Variants in KITLG observed in about 807,000 individuals in gnomAD.
KITLG encodes c-Kit ligand.
Under a neutral mutation model 34.1 loss-of-function variants are expected in KITLG, and 13 were observed. The observed-to-expected ratio is 0.38, with a 90% CI of 0.25 to 0.61. KITLG has a LOEUF of 0.61. KITLG is among the 20% of genes least tolerant of loss of function. The probability of loss-of-function intolerance (pLI) is 0.60; values close to 1 mark genes in which losing one functional copy is unlikely to be tolerated. For synonymous variants in KITLG, 110 were observed against 104.0 expected (o/e 1.06, Z -0.35); for missense variants, 292 against 318.9 (o/e 0.92, Z 0.64).
At chr12:88,541,749 G>C (rs1870526656) in intron 2 of KITLG, among the ~76,000 whole-genome samples, 2 of 152,130 alleles carry the variant, frequency 1.3e-5, no homozygotes, top group African/African-American at 4.8e-5. Context: ...TTAGTAAACA[G>C]GCCAGAAGCA....
chr12:88,554,910 T>C (rs1344444108), intron 1 of KITLG, among the ~76,000 whole-genome samples: 1 of 152,170 alleles, frequency 6.6e-6, no homozygotes, highest in Non-Finnish European at 1.5e-5. Context: ...AAAACAGATG[T>C]TACCAGAGTA....
At position 88,574,222 on chromosome 12, in the gene KITLG, G is replaced by T. The variant is rs554411669; in HGVS notation, c.15+6042C>A. On this transcript the variant is annotated intron_variant, in intron 1 of 9. Coordinates refer to ENST00000644744, the MANE Select transcript of KITLG (RefSeq NM_000899.5). ...ATGTGTGTTCTCCTAGCTTGAGGAG[G>T]GTCCAGCTGATCTTGGAATATTCTC... Among the ~76,000 whole-genome samples, 3 of 151,716 alleles carry T rather than the reference G, an allele frequency of 2.0e-5. No homozygotes were observed. In the East Asian group the frequency reaches 5.8e-4, roughly 29 times the overall value.
At position 88,580,439 on chromosome 12, in the gene KITLG, C is replaced by T. The variant is rs1012844393; in HGVS notation, c.-161G>A. 49 of 865,158 alleles carry T rather than the reference C, an allele frequency of 5.7e-5. No homozygotes were observed. Among genetic ancestry groups the T allele is most frequent in the African/African-American group, 4.3e-4 (25 of 58,610 alleles). 53.6% of individuals were successfully genotyped at this position (865,158 alleles called of 1,614,324 possible). ...TCCACTGTCCCTGCTTCCCGCAGCGCTTCTAGTCTCGGCGCGAGGCGGCGA... is the reference window on the plus strand; with the variant it reads ...TCCACTGTCCCTGCTTCCCGCAGCGTTTCTAGTCTCGGCGCGAGGCGGCGA... On this transcript the variant is annotated 5_prime_UTR_variant, in exon 1 of 10. Coordinates refer to ENST00000644744, the MANE Select transcript of KITLG (RefSeq NM_000899.5).
intron 1 of KITLG, among the ~76,000 whole-genome samples, chr12:88,557,200 C>T (rs1871123439): frequency 6.6e-6 from 1 of 152,066 alleles, no homozygotes; most frequent in African/African-American, 2.4e-5. Context: ...AACAACTCAC[C>T]TGGGGTTAAC....
At chr12:88,555,318 T>C (rs534401730) in intron 1 of KITLG, among the ~76,000 whole-genome samples, 1 of 152,286 alleles carries the variant, frequency 6.6e-6, no homozygotes, top group East Asian at 1.9e-4. Flanking sequence ...GCAGATATTA[T>C]TTCCTGTAAT....
chr12:88,557,798 T>G (rs560447184), intron 1 of KITLG, among the ~76,000 whole-genome samples: 1 of 152,280 alleles, frequency 6.6e-6, no homozygotes, highest in Non-Finnish European at 1.5e-5. Context: ...CAGCACTCCA[T>G]GGACACGGGC....
At chr12:88,520,005 C>T (rs1293658425) in intron 3 of KITLG, among the ~76,000 whole-genome samples, 4 of 152,034 alleles carry the variant, frequency 2.6e-5, no homozygotes, top group African/African-American at 9.7e-5. Context: ...TATAATACAG[C>T]CAAAAAGGAA....
chr12:88,576,635 A>G (rs1277241454), intron 1 of KITLG, among the ~76,000 whole-genome samples: 2 of 152,170 alleles, frequency 1.3e-5, no homozygotes, highest in Non-Finnish European at 2.9e-5. Context: ...GCCTAAGGTC[A>G]TTTGTCTCAT....
Position 88,507,041 on chromosome 12 carries a change from G to C in KITLG, c.701C>G (p.Ala234Gly), listed in dbSNP as rs754074191. Residue 234 changes from alanine (A) to glycine (G), a missense_variant, in exon 7 of 10, where the codon GCC becomes GGC. Ala to Gly is a moderately conservative substitution (Grantham distance 60). Coordinates refer to ENST00000644744, the MANE Select transcript of KITLG (RefSeq NM_000899.5). ...GGTACCACTTACCTTCCAGTATAAG[G>C]CTCCAAAAGCAAAGCCAATTATAAG... ...FSLIIGFAFGALYWKKRQPSL... is the reference protein window; with the variant it reads ...FSLIIGFAFGGLYWKKRQPSL... The C allele has an allele frequency of 1.3e-6, 2 of 1,587,438 alleles. No homozygotes were observed. Among genetic ancestry groups the C allele is most frequent in the Middle Eastern group, 1.7e-4 (1 of 6,046 alleles).
intron 3 of KITLG, among the ~76,000 whole-genome samples, chr12:88,526,746 A>G (rs1566023894): frequency 6.6e-6 from 1 of 152,140 alleles, no homozygotes; most frequent in East Asian, 1.9e-4. Flanking sequence ...CAAAAGAACC[A>G]ATCAGGATTC....
chr12:88,500,424 A>G (rs983938240), intron 9 of KITLG, among the ~76,000 whole-genome samples: 5 of 152,298 alleles, frequency 3.3e-5, no homozygotes, highest in Admixed American at 2.0e-4. Flanking sequence ...ACTTTTAAAA[A>G]TTGGTTATTA....
At chr12:88,500,242 C>T (rs534081604) in intron 9 of KITLG, among the ~76,000 whole-genome samples, 1 of 152,314 alleles carries the variant, frequency 6.6e-6, no homozygotes, top group African/African-American at 2.4e-5. Context: ...AAGCTTTTCT[C>T]CTATTGTTAG....
chr12:88,529,261 A>G (rs1231722726), intron 3 of KITLG, among the ~76,000 whole-genome samples: 1 of 152,222 alleles, frequency 6.6e-6, no homozygotes, highest in Non-Finnish European at 1.5e-5. Flanking sequence ...TGTGGCAACA[A>G]TTCAGCAATG....
Position 88,502,578 on chromosome 12 carries a change from T to C in KITLG, c.*37+2581A>G, listed in dbSNP as rs1053913151. Among the ~76,000 whole-genome samples the C allele has an allele frequency of 1.5e-4, 23 of 152,316 alleles. 1 individual carries two copies. The highest frequency in any genetic ancestry group is 6.8e-3 in the Middle Eastern group (2 of 294). On this transcript the variant is annotated intron_variant, in intron 9 of 9. Coordinates refer to ENST00000644744, the MANE Select transcript of KITLG (RefSeq NM_000899.5). Reference sequence around the variant, plus strand: ...AAGAAACAGAAAGACCTAACTCTTTTCTTGGAATGCTAACTGACTATTCAA... The same window carrying C: ...AAGAAACAGAAAGACCTAACTCTTTCCTTGGAATGCTAACTGACTATTCAA...
intron 1 of KITLG, among the ~76,000 whole-genome samples, chr12:88,577,909 G>A (rs1566039285): frequency 1.3e-5 from 2 of 152,124 alleles, no homozygotes; most frequent in African/African-American, 4.8e-5. Flanking sequence ...TTTTTTATAT[G>A]TGGGGTAGTA....
At chr12:88,520,442 T>C (rs971353930) in intron 3 of KITLG, among the ~76,000 whole-genome samples, 5 of 152,210 alleles carry the variant, frequency 3.3e-5, no homozygotes, top group African/African-American at 1.2e-4. Flanking sequence ...GCTATTTGAA[T>C]AGTATTTATG....
At chr12:88,564,512 G>C (rs763924890) in intron 1 of KITLG, among the ~76,000 whole-genome samples, 1 of 152,182 alleles carries the variant, frequency 6.6e-6, no homozygotes, top group Non-Finnish European at 1.5e-5. Context: ...TACTTCGGCT[G>C]CTGTATGTTT....
intron 6 of KITLG, among the ~76,000 whole-genome samples, chr12:88,508,229 C>A (rs1435721658): frequency 6.6e-6 from 1 of 151,070 alleles, no homozygotes; most frequent in South Asian, 2.1e-4. Context: ...ATTAAATAAA[C>A]AAAACACATC....
intron 1 of KITLG, among the ~76,000 whole-genome samples, chr12:88,574,304 GA>G (rs1034845653): frequency 2.7e-5 from 4 of 145,770 alleles, no homozygotes; most frequent in Non-Finnish European, 4.6e-5. Context: ...AAAAAAAAAA[GA>G]AAAAAAGAAA....
Sources: gnomAD v4.1 joint callset for allele counts (sites outside exome capture counted in the v4.1 genomes callset) on GRCh38, gnomAD v4.1.1 for gene constraint, MANE v1.5 for transcripts, NCBI Gene and HGNC (gene_info 2026-07-23, HGNC 2026-07-21) for gene names.